The following NEK6 variants were observed in gnomAD, a reference collection of about 807,000 sequenced individuals.
NEK6 encodes serine/threonine-protein kinase Nek6.
A neutral mutation model predicts 43.5 loss-of-function variants in NEK6; 27 were observed. The observed-to-expected ratio is 0.62, with a 90% CI of 0.46 to 0.86. The LOEUF (loss-of-function observed/expected upper bound fraction) is 0.86, where lower values mean the gene tolerates loss of function less well. Among genes scored for constraint, NEK6 ranks in the 40% least tolerant of loss-of-function variants. The probability of loss-of-function intolerance (pLI) is 0.00; values close to 1 mark genes in which losing one functional copy is unlikely to be tolerated. For missense variants in NEK6, 318 were observed against 414.4 expected (o/e 0.77, Z 2.02); for synonymous variants, 167 against 164.1 (o/e 1.02, Z -0.14).
chr9:124,348,625 A>AT (rs1830086893), intron 9 of NEK6, among the ~76,000 whole-genome samples: 1 of 152,176 alleles, frequency 6.6e-6, no homozygotes, highest in South Asian at 2.1e-4. Flanking sequence ...CAGCATAAGG[A>AT]TTAAGGTAAG....
chr9:124,294,915 G>GGCC (rs1832609075), intron 1 of NEK6, among the ~76,000 whole-genome samples: 1 of 152,212 alleles, frequency 6.6e-6, no homozygotes, highest in African/African-American at 2.4e-5. Context: ...CCAGCACAGA[G>GGCC]TGGAGGCCCT....
rs368539559 is a variant in NEK6, at chr9:124,268,278, C to T, written c.-30+10193C>T. On this transcript the variant is annotated intron_variant, in intron 1 of 9. Transcript: ENST00000320246. Reference sequence around the variant, plus strand: ...TCATTATCCCTCATTCATTTATTAGCTAATTAAGTGGTTTATCTGGTCACA... The same window carrying T: ...TCATTATCCCTCATTCATTTATTAGTTAATTAAGTGGTTTATCTGGTCACA... 2.9e-3 allele frequency among the ~76,000 whole-genome samples: 449 copies of T among 152,266 alleles called. 2 individuals carry two copies. Among genetic ancestry groups the T allele is most frequent in the African/African-American group, 0.01 (425 of 41,550 alleles).
Position 124,308,033 on chromosome 9 carries a change from C to T in NEK6, c.91-4476C>T, listed in dbSNP as rs1177318222. On this transcript the variant is annotated intron_variant, in intron 2 of 9. Transcript: ENST00000320246. ...ACTGGAGAATGACATGTCCCAGCAC[C>T]TAGTGCCAGGCCCTCTTCCAAGGGC... Among the ~76,000 whole-genome samples, 4 of 152,224 alleles carry T rather than the reference C, an allele frequency of 2.6e-5. No homozygotes were observed. In the East Asian group the frequency reaches 7.7e-4, roughly 29 times the overall value.
At position 124,351,350 on chromosome 9, in the gene NEK6, A is replaced by T; in HGVS notation, c.*403A>T. On this transcript the variant is annotated 3_prime_UTR_variant, in exon 10 of 10. Transcript: ENST00000320246. ...GTGATTTGTGTAGTGAGCCTTTGAAAATGGTTAGTACCGGGTTCAGTTTAG... is the reference window on the plus strand; with the variant it reads ...GTGATTTGTGTAGTGAGCCTTTGAATATGGTTAGTACCGGGTTCAGTTTAG... 1 of 180,914 alleles carries T rather than the reference A, an allele frequency of 5.5e-6. No individual in the cohort carries two copies. Among genetic ancestry groups the T allele is most frequent in the Non-Finnish European group, 1.2e-5 (1 of 86,132 alleles). The allele number at this position is 180,914 out of a possible 1,614,324, so 11.2% of individuals were successfully genotyped here. A position where few individuals can be genotyped will look rare whatever the true frequency, so the allele number is the denominator to read the frequency against.
chr9:124,276,368 G>A (rs887961114), intron 1 of NEK6, among the ~76,000 whole-genome samples: 1 of 152,138 alleles, frequency 6.6e-6, no homozygotes, highest in African/African-American at 2.4e-5. Context: ...TGTGCTTTTT[G>A]CCCTTGACTC....
intron 1 of NEK6, among the ~76,000 whole-genome samples, chr9:124,296,979 A>G (rs1262959064): frequency 6.6e-6 from 1 of 152,246 alleles, no homozygotes; most frequent in African/African-American, 2.4e-5. Context: ...CCCTAGGGTC[A>G]CAGCCCACAT....
chr9:124,322,352 C>G (rs956703366), intron 5 of NEK6, among the ~76,000 whole-genome samples: 1 of 152,204 alleles, frequency 6.6e-6, no homozygotes, highest in African/African-American at 2.4e-5. Context: ...ATCCCACCAC[C>G]CAGGGCACAG....
At chr9:124,295,462 C>G (rs1322777525) in intron 1 of NEK6, among the ~76,000 whole-genome samples, 1 of 152,206 alleles carries the variant, frequency 6.6e-6, no homozygotes, top group Non-Finnish European at 1.5e-5. Flanking sequence ...GCCAGAGCCA[C>G]AGCTCTGGGC....
rs917763040 is a variant in NEK6, at chr9:124,343,163, C to CT, written c.717+3499dup. On this transcript the variant is annotated intron_variant, in intron 8 of 9. Coordinates refer to ENST00000320246, the MANE Select transcript of NEK6 (RefSeq NM_014397.6). This position sits in a 1 kb window ranked among gnomAD's most constrained non-coding sequence, Gnocchi z 5.1. The stretch of plus-strand genomic sequence containing the variant: ...GCATTGAGGCTCGGGTTACGCCGAG[C>CT]TGACTCATTTGTTGGAGTGAGTGGG... Among the ~76,000 whole-genome samples, 1 of 151,346 alleles carries CT rather than the reference C, an allele frequency of 6.6e-6. No individual in the cohort carries two copies. The highest frequency in any genetic ancestry group is 1.5e-5 in the Non-Finnish European group (1 of 67,920).
chr9:124,323,455 A>G (rs1375244503), intron 5 of NEK6, among the ~76,000 whole-genome samples: 1 of 152,018 alleles, frequency 6.6e-6, no homozygotes, highest in African/African-American at 2.4e-5. Flanking sequence ...TGTGTTCTAG[A>G]AGAAAGACTG....
chr9:124,350,775 G>A, intron 9 of NEK6, 62 bp from the exon 10 acceptor site: 1 of 1,145,638 alleles, frequency 8.7e-7, no homozygotes, highest in Admixed American at 1.8e-5. Context: ...GACAGACTGT[G>A]GAGTGCGGAG....
intron 8 of NEK6, among the ~76,000 whole-genome samples, chr9:124,346,835 C>A (rs536290603): frequency 2.0e-5 from 3 of 152,218 alleles, no homozygotes; most frequent in Non-Finnish European, 2.9e-5. Flanking sequence ...TTCGCTCCCC[C>A]GTGGCTGTGG....
chr9:124,264,541 A>G (rs1408550366), intron 1 of NEK6, among the ~76,000 whole-genome samples: 1 of 152,248 alleles, frequency 6.6e-6, no homozygotes, highest in Non-Finnish European at 1.5e-5. Flanking sequence ...GGACAGGCTC[A>G]TGCCTATAAT....
At chr9:124,312,444 G>C in intron 2 of NEK6, 65 bp from the exon 3 acceptor site, 1 of 1,541,074 alleles carries the variant, frequency 6.5e-7, no homozygotes, top group Non-Finnish European at 8.8e-7. Flanking sequence ...TGGGCCTCTA[G>C]GGGTCGTCCC....
At chr9:124,339,357 G>A (rs138389994) in intron 7 of NEK6, among the ~76,000 whole-genome samples, 21 of 152,104 alleles carry the variant, frequency 1.4e-4, no homozygotes, top group African/African-American at 5.1e-4. Flanking sequence ...TGGCACCCCA[G>A]GTGTTTAGTG....
At chr9:124,261,603 T>A in intron 1 of NEK6, 1 of 984,944 alleles carries the variant, frequency 1.0e-6, no homozygotes, top group Non-Finnish European at 1.2e-6. Flanking sequence ...TTGTCACTTG[T>A]CATTTAAGTC....
upstream of NEK6, chr9:124,257,613 T>C (rs1210678826): frequency 6.8e-7 from 1 of 1,466,334 alleles, no homozygotes; most frequent in East Asian, 2.7e-5. Context: ...GGAGCAATGC[T>C]AGGCGATGGG....
chr9:124,348,929 C>T (rs1330658653), intron 9 of NEK6, among the ~76,000 whole-genome samples: 3 of 152,240 alleles, frequency 2.0e-5, no homozygotes, highest in Non-Finnish European at 4.4e-5. Context: ...AACCCACATG[C>T]GCAGCCACGG....
Position 124,326,470 on chromosome 9 carries a change from C to A in NEK6, c.514+32C>A. The A allele has an allele frequency of 1.3e-6, 2 of 1,512,548 alleles. No homozygotes were observed. Among genetic ancestry groups the A allele is most frequent in the Non-Finnish European group, 9.1e-7 (1 of 1,098,488 alleles). 93.7% of individuals were successfully genotyped at this position (1,512,548 alleles called of 1,614,324 possible). The stretch of plus-strand genomic sequence containing the variant: ...GCCACCCGCCAGGAGCCGCCCGGAG[C>A]CACCTGGAGCCCAGGAAGACACTTC... On this transcript the variant is annotated intron_variant, in intron 6 of 9. Transcript: ENST00000320246. The surrounding 1 kb of genome is among the most constrained non-coding windows in gnomAD (Gnocchi z 4.5).
Sources: allele counts gnomAD v4.1 joint callset (sites outside exome capture counted in the v4.1 genomes callset), GRCh38; gene constraint gnomAD v4.1.1; non-coding constraint Gnocchi (gnomAD v3.1); transcripts MANE v1.5; gene names NCBI Gene and HGNC (gene_info 2026-07-23, HGNC 2026-07-21).